PGM5: variants seen among roughly 807,000 people sequenced by gnomAD.
PGM5 encodes the protein phosphoglucomutase 5.
PGM5 carries 23 observed loss-of-function variants against 59.2 expected under a neutral mutation model. The ratio of observed to expected loss-of-function variants is 0.39; its 90% CI spans 0.28 to 0.55. The LOEUF (loss-of-function observed/expected upper bound fraction) is 0.55. Among genes scored for constraint, PGM5 ranks in the 20% least tolerant of loss-of-function variants. PGM5 has a pLI of 0.66. For missense variants in PGM5, 574 were observed against 748.3 expected (o/e 0.77, Z 2.72); for synonymous variants, 214 against 286.0 (o/e 0.75, Z 2.54).
intron 9 of PGM5, among the ~76,000 whole-genome samples, chr9:68,494,180 A>G (rs1480287238): frequency 6.6e-6 from 1 of 152,130 alleles, no homozygotes; most frequent in Non-Finnish European, 1.5e-5. Flanking sequence ...GATATCATGA[A>G]TTCTTTCACA....
At chr9:68,428,803 C>T (rs1037853314) in intron 6 of PGM5, 1 of 152,198 alleles carries the variant, frequency 6.6e-6, no homozygotes, top group Non-Finnish European at 1.5e-5. Flanking sequence ...TTTATATGCA[C>T]ATACATTCTA....
In PGM5 at chr9:68,511,757, A is replaced by G. The variant is rs115728731; in HGVS notation, c.1614+12396A>G. On this transcript the variant is annotated intron_variant, in intron 10 of 10. Transcript: ENST00000396396. Reference sequence around the variant, plus strand: ...GTAGAGAAGGGGTTTCACCACCATTATTTTTATTAATAATGGTATTGACTC... The same window carrying G: ...GTAGAGAAGGGGTTTCACCACCATTGTTTTTATTAATAATGGTATTGACTC... Among the ~76,000 whole-genome samples, 388 of 151,626 alleles carry G rather than the reference A, an allele frequency of 2.6e-3. 2 individuals carry two copies. Among genetic ancestry groups the G allele is most frequent in the African/African-American group, 8.9e-3 (368 of 41,392 alleles).
At chr9:68,409,787 A>G (rs1822891032) in intron 6 of PGM5, among the ~76,000 whole-genome samples, 1 of 140,536 alleles carries the variant, frequency 7.1e-6, no homozygotes, top group African/African-American at 2.6e-5. Context: ...ATGACGAGTT[A>G]GTGGGTGCAG....
intron 7 of PGM5, among the ~76,000 whole-genome samples, chr9:68,475,932 G>C (rs984093613): frequency 2.0e-5 from 3 of 152,146 alleles, no homozygotes; most frequent in African/African-American, 7.2e-5. Flanking sequence ...GAAGTGGGAG[G>C]ATCACTTGAG....
At chr9:68,404,269 G>C (rs1310844888) in intron 6 of PGM5, among the ~76,000 whole-genome samples, 2 of 152,132 alleles carry the variant, frequency 1.3e-5, no homozygotes, top group African/African-American at 2.4e-5. Context: ...TGGGATTACA[G>C]GCATGTGACA....
At chr9:68,453,645 C>A (rs1320231449) in intron 6 of PGM5, among the ~76,000 whole-genome samples, 1 of 152,234 alleles carries the variant, frequency 6.6e-6, no homozygotes, top group Non-Finnish European at 1.5e-5. Flanking sequence ...CCCTCCTTAT[C>A]TCAAACTTTC....
At chr9:68,515,629 C>T (rs938217950) in intron 10 of PGM5, among the ~76,000 whole-genome samples, 1 of 152,202 alleles carries the variant, frequency 6.6e-6, no homozygotes, top group Non-Finnish European at 1.5e-5. Context: ...AGCTTTCCCC[C>T]ACTGGGTGTG....
At chr9:68,361,102 A>G (rs1452226820) in intron 1 of PGM5, among the ~76,000 whole-genome samples, 1 of 152,074 alleles carries the variant, frequency 6.6e-6, no homozygotes, top group Admixed American at 6.5e-5. Flanking sequence ...GTTTTTGTAG[A>G]GATGGAGGTC....
Position 68,529,789 on chromosome 9 carries a change from A to G in PGM5, c.*133A>G. 5.1e-5 allele frequency: 16 copies of G among 311,302 alleles called. No individual in the cohort carries two copies. Among genetic ancestry groups the G allele is most frequent in the Non-Finnish European group, 9.4e-5 (15 of 159,488 alleles). The allele number at this position is 311,302 out of a possible 1,614,324, so 19.3% of individuals were successfully genotyped here. On this transcript the variant is annotated 3_prime_UTR_variant, in exon 11 of 11. Coordinates refer to ENST00000396396, the MANE Select transcript of PGM5 (RefSeq NM_021965.4). Reference sequence around the variant, plus strand: ...AAGATATTTTGCTTTTGGGGGATAGAGGGTGGGTGGGAAAAGAAAAAAAAT... The same window carrying G: ...AAGATATTTTGCTTTTGGGGGATAGGGGGTGGGTGGGAAAAGAAAAAAAAT...
rs370778670 is a variant in PGM5 at position 68,394,675 on chromosome 9, C to A, written c.1043+2202C>A. ...TCACTCTGTTGCCCAGGCTGGAGTG[C>A]AGTGGTACGATCATAGTTCACTGTA... On this transcript the variant is annotated intron_variant, in intron 6 of 10. Transcript: ENST00000396396. 3.5e-4 allele frequency among the ~76,000 whole-genome samples: 53 copies of A among 151,640 alleles called. 2 individuals carry two copies. The East Asian group carries it at 7.4e-3, about 21-fold the overall frequency.
chr9:68,434,016 C>T lies in PGM5; in HGVS notation c.1044-31077C>T, dbSNP rs532910822. On this transcript the variant is annotated intron_variant, in intron 6 of 10. Transcript: ENST00000396396. Reference sequence around the variant, plus strand: ...CCTCAAAGAGACAATTCGAGTTTAACGCATAAAATATCAAAGTGGGCCAGA... The same window carrying T: ...CCTCAAAGAGACAATTCGAGTTTAATGCATAAAATATCAAAGTGGGCCAGA... Among the ~76,000 whole-genome samples, 5 of 152,102 alleles carry T rather than the reference C, an allele frequency of 3.3e-5. No homozygotes were observed. In the South Asian group the frequency reaches 8.3e-4, roughly 25 times the overall value.
intron 9 of PGM5, among the ~76,000 whole-genome samples, chr9:68,493,153 G>A (rs1824425815): frequency 6.6e-6 from 1 of 152,148 alleles, no homozygotes; most frequent in Non-Finnish European, 1.5e-5. Context: ...GTAATGTACA[G>A]TTCACCCTTC....
At chr9:68,405,652 C>T (rs1822788438) in intron 6 of PGM5, 1 of 6,420 alleles carries the variant, frequency 1.6e-4, no homozygotes, top group South Asian at 4.9e-3. Flanking sequence ...CTTCCCTTCG[C>T]TTCTCCTTCC....
At chr9:68,477,999 G>T (rs1824133298) in intron 7 of PGM5, among the ~76,000 whole-genome samples, 1 of 152,220 alleles carries the variant, frequency 6.6e-6, no homozygotes, top group African/African-American at 2.4e-5. Flanking sequence ...TGAGGCTCAG[G>T]GGAATTAATG....
At chr9:68,394,297 G>T (rs1472508307) in intron 6 of PGM5, 1 of 152,074 alleles carries the variant, frequency 6.6e-6, no homozygotes, top group Non-Finnish European at 1.5e-5. Context: ...AAATCCAGAA[G>T]ATGAGATTCT....
intron 7 of PGM5, chr9:68,466,412 G>C (rs1169498667): frequency 5.0e-6 from 1 of 200,998 alleles, no homozygotes; most frequent in Admixed American, 5.8e-5. Flanking sequence ...TAAACACCCT[G>C]TCTGATAGTT....
intron 1 of PGM5, among the ~76,000 whole-genome samples, chr9:68,365,413 T>C (rs1227386692): frequency 5.3e-5 from 8 of 149,922 alleles, no homozygotes; most frequent in African/African-American, 1.7e-4. Flanking sequence ...ATTTTTAGAT[T>C]CTTTCATCTG....
chr9:68,463,461 T>A (rs1554685573), intron 6 of PGM5, among the ~76,000 whole-genome samples: 1 of 152,128 alleles, frequency 6.6e-6, no homozygotes, highest in Non-Finnish European at 1.5e-5. Flanking sequence ...TGCTTTGAGA[T>A]CTACATCCTT....
intron 6 of PGM5, among the ~76,000 whole-genome samples, chr9:68,421,055 G>A (rs1253388468): frequency 6.6e-6 from 1 of 152,222 alleles, no homozygotes; most frequent in Admixed American, 6.5e-5. Flanking sequence ...AATAATGTGT[G>A]ATGAGTATAT....
Sources: gnomAD v4.1 joint callset for allele counts (sites outside exome capture counted in the v4.1 genomes callset) on GRCh38, gnomAD v4.1.1 for gene constraint, MANE v1.5 for transcripts, NCBI Gene and HGNC (gene_info 2026-07-23, HGNC 2026-07-21) for gene names.